UTRN: variants seen among roughly 807,000 people sequenced by gnomAD.
UTRN encodes dystrophin-related protein 1.
A neutral mutation model predicts 463.9 loss-of-function variants in UTRN; 283 were observed. That is an observed-to-expected ratio of 0.61 (90% confidence interval 0.55 to 0.67). UTRN has a LOEUF of 0.67. Among genes scored for constraint, UTRN ranks in the 30% least tolerant of loss-of-function variants. The pLI is 0.00. For synonymous variants in UTRN, 1,442 were observed against 1,431.5 expected (o/e 1.01, Z -0.17); for missense variants, 3,922 against 4,084.3 (o/e 0.96, Z 1.08).
At chr6:144,818,105 A>C (rs1229394872) in intron 65 of UTRN, among the ~76,000 whole-genome samples, 1 of 152,208 alleles carries the variant, frequency 6.6e-6, no homozygotes, top group African/African-American at 2.4e-5. Context: ...TTCACAAGCA[A>C]GAGTTCATGT....
rs1476922743 is a variant in UTRN at position 144,678,461 on chromosome 6, A to C, written c.7535A>C (p.Asn2512Thr). 3.1e-6 allele frequency: 5 copies of C among 1,613,486 alleles called. No homozygotes were observed. In the South Asian group the frequency reaches 5.5e-5, roughly 18 times the overall value. ...GACATATTTAAAAGCATTGACGGAA[A>C]CAGGCAGAAGATGGTAAAAGCTTTG... The part of the protein sequence containing the change: ...HNDIFKSIDG[N>T]RQKMVKALGN... Residue 2512 changes from asparagine (N) to threonine (T), a missense_variant, in exon 52 of 75, where the codon AAC (asparagine) becomes ACC (threonine). Coordinates refer to ENST00000367545, the MANE Select transcript of UTRN (RefSeq NM_007124.3).
intron 2 of UTRN, among the ~76,000 whole-genome samples, chr6:144,385,645 A>G (rs1222479900): frequency 6.6e-6 from 1 of 152,192 alleles, no homozygotes; most frequent in Non-Finnish European, 1.5e-5. Context: ...TTTTCTTTTA[A>G]AGGCAATAAA....
intron 43 of UTRN, among the ~76,000 whole-genome samples, chr6:144,536,234 T>C (rs1797519192): frequency 1.3e-5 from 2 of 152,254 alleles, no homozygotes; most frequent in Non-Finnish European, 2.9e-5. Flanking sequence ...GAAATCACTT[T>C]ATAATGCTAG....
intron 9 of UTRN, among the ~76,000 whole-genome samples, chr6:144,434,942 C>A (rs1216019502): frequency 2.0e-5 from 3 of 152,150 alleles, no homozygotes; most frequent in Non-Finnish European, 4.4e-5. Context: ...CAGTTATCAT[C>A]AAAAATACTC....
chr6:144,415,696 A>G (rs1399755648), intron 3 of UTRN, among the ~76,000 whole-genome samples: 1 of 152,214 alleles, frequency 6.6e-6, no homozygotes, highest in Non-Finnish European at 1.5e-5. Context: ...ATGGATGCCC[A>G]TTAGGGTAAA....
At chr6:144,411,865 A>G (rs1447977488) in intron 3 of UTRN, among the ~76,000 whole-genome samples, 1 of 152,070 alleles carries the variant, frequency 6.6e-6, no homozygotes, top group Non-Finnish European at 1.5e-5. Context: ...TTAGCAACTT[A>G]TGCTGACCAC....
chr6:144,306,826 C>T (rs531797773), intron 2 of UTRN, among the ~76,000 whole-genome samples: 4 of 151,016 alleles, frequency 2.6e-5, no homozygotes, highest in East Asian at 2.0e-4. Context: ...AAGGCCGAGG[C>T]GGGCGGATCA....
chr6:144,539,549 A>G, intron 45 of UTRN, 106 bp downstream of exon 45: 1 of 1,159,830 alleles, frequency 8.6e-7, no homozygotes, highest in Non-Finnish European at 1.2e-6. Flanking sequence ...AAATGGGGCA[A>G]ATTTTACTAA....
At chr6:144,820,852 A>G in intron 65 of UTRN, 30 bp from the exon 66 acceptor site, 1 of 1,597,018 alleles carries the variant, frequency 6.3e-7, no homozygotes, top group Non-Finnish European at 8.5e-7. Context: ...CATTTTACTG[A>G]GAGAAGTGTA....
At chr6:144,564,385 C>T (rs1373445989) in intron 50 of UTRN, among the ~76,000 whole-genome samples, 1 of 152,110 alleles carries the variant, frequency 6.6e-6, no homozygotes, top group East Asian at 1.9e-4. Context: ...GGAAAGAGCA[C>T]AGCATGTGGT....
At position 144,531,122 on chromosome 6, in the gene UTRN, A is replaced by G. The variant is rs1302490329; in HGVS notation, c.5977A>G (p.Thr1993Ala). Residue 1993 changes from threonine (T) to alanine (A), a missense_variant, in exon 42 of 75, where the codon ACA (threonine) becomes GCA (alanine). Physicochemically the swap from Thr to Ala is moderately conservative, Grantham distance 58. This residue lies in a region of UTRN where 2,349 missense variants were observed against 2,303.8 expected (regional missense o/e 1.02). Transcript: ENST00000367545. ...CDLNDLTQWI[T>A]EAEELLVDTC... is the part of the protein sequence containing the mutation. ...CCTTAATGACCTCACACAGTGGATA[A>G]CAGAGGCTGAAGAATTACTGGTTGA... The G allele has an allele frequency of 3.1e-6, 5 of 1,613,952 alleles. No individual in the cohort carries two copies. The highest frequency in any genetic ancestry group is 3.3e-5 in the Admixed American group (2 of 60,000).
chr6:144,370,778 A>G (rs1411326828), intron 2 of UTRN, among the ~76,000 whole-genome samples: 1 of 152,146 alleles, frequency 6.6e-6, no homozygotes, highest in Non-Finnish European at 1.5e-5. Flanking sequence ...GACCATGGGA[A>G]CCCACCTCTT....
chr6:144,505,486 A>G (rs1462123335), intron 34 of UTRN, among the ~76,000 whole-genome samples: 1 of 152,070 alleles, frequency 6.6e-6, no homozygotes, highest in South Asian at 2.1e-4. Context: ...GAACTTCTTT[A>G]CTTCTGCCTT....
intron 2 of UTRN, among the ~76,000 whole-genome samples, chr6:144,324,923 A>G (rs978841688): frequency 1.3e-5 from 2 of 152,192 alleles, no homozygotes; most frequent in African/African-American, 4.8e-5. Context: ...GGAAAGTGGG[A>G]GAAGTTTGAA....
intron 12 of UTRN, 39 bp downstream of exon 12, chr6:144,438,934 A>T: frequency 6.2e-7 from 1 of 1,604,132 alleles, no homozygotes; most frequent in African/African-American, 1.3e-5. Context: ...CTTATCAAAT[A>T]TGAAAGAGCA....
intron 2 of UTRN, among the ~76,000 whole-genome samples, chr6:144,351,523 T>C (rs1426863717): frequency 6.6e-6 from 1 of 152,208 alleles, no homozygotes; most frequent in Non-Finnish European, 1.5e-5. Context: ...AGGATATCTT[T>C]GTGGCAAGAT....
chr6:144,836,547 G>A lies in UTRN; in HGVS notation c.10065+6G>A, dbSNP rs758378535. The stretch of plus-strand genomic sequence containing the variant: ...TCCGACAGCTGCTGGAGCAGGTAGG[G>A]TGTGTAGAATTCAGCGTCACACCTC... On this transcript the variant is annotated splice_donor_region_variant and intron_variant, in intron 71 of 74. Coordinates refer to ENST00000367545, the MANE Select transcript of UTRN (RefSeq NM_007124.3). 2.5e-6 allele frequency: 4 copies of A among 1,612,944 alleles called. No homozygotes were observed. Among genetic ancestry groups the A allele is most frequent in the South Asian group, 1.1e-5 (1 of 90,966 alleles).
At chr6:144,736,777 C>T (rs1192054584) in intron 54 of UTRN, among the ~76,000 whole-genome samples, 1 of 152,186 alleles carries the variant, frequency 6.6e-6, no homozygotes, top group Non-Finnish European at 1.5e-5. Flanking sequence ...TCCGGCCCCA[C>T]CTTGTGCCTC....
chr6:144,347,038 C>T lies in UTRN; in HGVS notation c.79+55131C>T, dbSNP rs59810504. ...AAATGTGAAATGAATAATTTGGAGG[C>T]GGGACTGGCCATTTAGGCATCTATG... On this transcript the variant is annotated intron_variant, in intron 2 of 74. Coordinates refer to ENST00000367545, the MANE Select transcript of UTRN (RefSeq NM_007124.3). 8.4e-3 allele frequency among the ~76,000 whole-genome samples: 1,274 copies of T among 152,140 alleles called. 74 individuals are homozygous for T. In the East Asian group the frequency reaches 0.16, roughly 19 times the overall value.
Sources: gnomAD v4.1 joint callset for allele counts (sites outside exome capture counted in the v4.1 genomes callset) on GRCh38, gnomAD v4.1.1 for gene constraint, gnomAD v4.1.1 regional missense constraint, MANE v1.5 for transcripts, NCBI Gene and HGNC (gene_info 2026-07-23, HGNC 2026-07-21) for gene names.